Variants in LRMDA observed in about 807,000 individuals in gnomAD.
LRMDA encodes the protein leucine rich melanocyte differentiation associated.
In LRMDA, 18 loss-of-function variants were observed where a neutral mutation model predicts 29.8. That is an observed-to-expected ratio of 0.60 (90% CI 0.42 to 0.90). The LOEUF (loss-of-function observed/expected upper bound fraction) is 0.90, where lower values mean the gene tolerates loss of function less well. Ranked by LOEUF, LRMDA falls within the 40% of genes least tolerant of loss-of-function variation. The probability of loss-of-function intolerance (pLI) is 0.00; values close to 1 mark genes in which losing one functional copy is unlikely to be tolerated. For synonymous variants in LRMDA, 125 were observed against 109.4 expected, an observed-to-expected ratio of 1.14 and a Z score of -0.89; for missense variants, 273 against 273.9, an observed-to-expected ratio of 1.00 and a Z score of 0.02.
At chr10:76,315,636 C>A (rs1042234058) in intron 5 of LRMDA, among the ~76,000 whole-genome samples, 1 of 152,164 alleles carries the variant, frequency 6.6e-6, no homozygotes. Context: ...GTGCTGAGGG[C>A]AGCTCCCTGC....
intron 2 of LRMDA, among the ~76,000 whole-genome samples, chr10:75,923,197 T>A (rs2132391187): frequency 6.6e-6 from 1 of 152,352 alleles, no homozygotes; most frequent in Non-Finnish European, 1.5e-5. Flanking sequence ...CTTATTTAAA[T>A]ACTGACTGTA....
intron 2 of LRMDA, among the ~76,000 whole-genome samples, chr10:75,831,669 G>A (rs190182731): frequency 3.9e-4 from 59 of 152,272 alleles, no homozygotes; most frequent in African/African-American, 1.0e-3. Context: ...TGGCCACATT[G>A]CCCTAGTAGA....
intron 6 of LRMDA, among the ~76,000 whole-genome samples, chr10:76,381,753 C>A (rs1249414257): frequency 2.0e-5 from 3 of 152,196 alleles, no homozygotes; most frequent in Non-Finnish European, 2.9e-5. Context: ...TTCTAACCTA[C>A]ACTCCTGTGT....
At chr10:76,272,189 T>C (rs2132322502) in intron 5 of LRMDA, among the ~76,000 whole-genome samples, 1 of 152,296 alleles carries the variant, frequency 6.6e-6, no homozygotes, top group East Asian at 1.9e-4. Context: ...CATTCCACCA[T>C]TCACCTTGGA....
chr10:76,164,136 C>T (rs1055206249), intron 5 of LRMDA, among the ~76,000 whole-genome samples: 1 of 151,534 alleles, frequency 6.6e-6, no homozygotes, highest in Non-Finnish European at 1.5e-5. Context: ...TTTTTTTTTC[C>T]GATGAGAAAT....
At chr10:76,189,897 T>C (rs1162737888) in intron 5 of LRMDA, among the ~76,000 whole-genome samples, 2 of 152,198 alleles carry the variant, frequency 1.3e-5, no homozygotes, top group African/African-American at 2.4e-5. Context: ...AGATGCGCCC[T>C]GCACACAGTG....
chr10:75,781,278 C>G (rs565618768), intron 2 of LRMDA, among the ~76,000 whole-genome samples: 1 of 152,332 alleles, frequency 6.6e-6, no homozygotes, highest in African/African-American at 2.4e-5. Flanking sequence ...CAGTGCCTGG[C>G]TCATAATAAC....
chr10:76,423,703 G>C lies in LRMDA; in HGVS notation c.601+99218G>C, dbSNP rs1171265039. Among the ~76,000 whole-genome samples the C allele has an allele frequency of 6.6e-5, 10 of 152,316 alleles. 2 individuals are homozygous for C. The highest frequency in any genetic ancestry group is 2.4e-4 in the African/African-American group (10 of 41,570). ...TGCTGCTGTTTGGTAATAAATTCTAGTCCCCTTTTGACTTCGATCAAAATC... is the reference window on the plus strand; with the variant it reads ...TGCTGCTGTTTGGTAATAAATTCTACTCCCCTTTTGACTTCGATCAAAATC... On this transcript the variant is annotated intron_variant, in intron 6 of 6. Transcript: ENST00000611255.
intron 2 of LRMDA, among the ~76,000 whole-genome samples, chr10:75,819,880 A>T (rs1164546482): frequency 6.6e-6 from 1 of 152,236 alleles, no homozygotes; most frequent in East Asian, 1.9e-4. Flanking sequence ...GAGATGTGCC[A>T]TAAGTGTAAA....
chr10:75,956,110 A>G (rs1357585156), intron 2 of LRMDA, among the ~76,000 whole-genome samples: 1 of 152,192 alleles, frequency 6.6e-6, no homozygotes, highest in Admixed American at 6.5e-5. Flanking sequence ...GACTGCAGTC[A>G]CCTGAAGGCT....
chr10:75,560,668 G>A (rs1425128021), intron 2 of LRMDA, among the ~76,000 whole-genome samples: 7 of 149,728 alleles, frequency 4.7e-5, no homozygotes, highest in Non-Finnish European at 7.5e-5. Context: ...TTGGCTGTGG[G>A]TTTGTCATAG....
intron 2 of LRMDA, among the ~76,000 whole-genome samples, chr10:75,989,234 A>G (rs1463733901): frequency 1.3e-5 from 2 of 152,226 alleles, no homozygotes; most frequent in African/African-American, 4.8e-5. Context: ...TTGCATTGCT[A>G]TAAAGAAATG....
At chr10:75,560,666 G>C (rs1305802204) in intron 2 of LRMDA, among the ~76,000 whole-genome samples, 1 of 149,790 alleles carries the variant, frequency 6.7e-6, no homozygotes, top group Non-Finnish European at 1.5e-5. Flanking sequence ...TATTGGCTGT[G>C]GGTTTGTCAT....
At chr10:75,940,655 T>G (rs2132409410) in intron 2 of LRMDA, among the ~76,000 whole-genome samples, 1 of 152,268 alleles carries the variant, frequency 6.6e-6, no homozygotes, top group South Asian at 2.1e-4. Context: ...ACAGGAACTA[T>G]GTACCTATAA....
intron 5 of LRMDA, among the ~76,000 whole-genome samples, chr10:76,120,732 A>G (rs964796151): frequency 2.0e-5 from 3 of 152,154 alleles, no homozygotes; most frequent in Non-Finnish European, 2.9e-5. Flanking sequence ...CATACCAAGG[A>G]CTTGAATCAA....
At position 75,895,883 on chromosome 10, in the gene LRMDA, G is replaced by A. The variant is rs192884023; in HGVS notation, c.132-140125G>A. On this transcript the variant is annotated intron_variant, in intron 2 of 6. Coordinates refer to ENST00000611255, the MANE Select transcript of LRMDA (RefSeq NM_001305581.2). ...GGAAGTTGTATGAGAAATGAGTATG[G>A]TGAAGTGAGTAGATTTGTTGGTTTT... 3.9e-3 allele frequency among the ~76,000 whole-genome samples: 590 copies of A among 152,292 alleles called. 3 individuals carry two copies. Among genetic ancestry groups the A allele is most frequent in the African/African-American group, 0.011 (476 of 41,558 alleles).
intron 2 of LRMDA, among the ~76,000 whole-genome samples, chr10:75,957,539 A>T (rs1846684994): frequency 6.6e-6 from 1 of 152,194 alleles, no homozygotes; most frequent in South Asian, 2.1e-4. Context: ...CAACGGGCCT[A>T]TGAGGAACTG....
intron 5 of LRMDA, among the ~76,000 whole-genome samples, chr10:76,225,546 T>C (rs2132264706): frequency 6.6e-6 from 1 of 152,174 alleles, no homozygotes; most frequent in Non-Finnish European, 1.5e-5. Flanking sequence ...CTATTATAAG[T>C]TCCTGTAACA....
chr10:75,443,532 A>T (rs867444775), intron 2 of LRMDA, among the ~76,000 whole-genome samples: 1 of 152,208 alleles, frequency 6.6e-6, no homozygotes, highest in African/African-American at 2.4e-5. Flanking sequence ...ATGTTAAACT[A>T]TCCTTGCATT....
Sources: gnomAD v4.1 joint callset for allele counts (sites outside exome capture counted in the v4.1 genomes callset) on GRCh38, gnomAD v4.1.1 for gene constraint, MANE v1.5 for transcripts, NCBI Gene and HGNC (gene_info 2026-07-23, HGNC 2026-07-21) for gene names.